Variants in CHD9 observed in about 807,000 individuals in gnomAD.
The protein encoded by CHD9 is ATP-dependent chromatin remodeler CHD9.
In CHD9, 77 loss-of-function variants were observed where a neutral mutation model predicts 316.1. That is an observed-to-expected ratio of 0.24 (90% CI 0.20 to 0.29). CHD9 has a LOEUF of 0.29. Among genes scored for constraint, CHD9 ranks in the 10% least tolerant of loss-of-function variants. The probability of loss-of-function intolerance (pLI) is 1.00; values close to 1 mark genes in which losing one functional copy is unlikely to be tolerated. For missense variants in CHD9, 2,763 were observed against 3,438.1 expected, an observed-to-expected ratio of 0.80 and a Z score of 4.91; for synonymous variants, 1,129 against 1,158.3, an observed-to-expected ratio of 0.97 and a Z score of 0.51.
At chr16:53,146,561 G>T (rs1474719840) in intron 1 of CHD9, among the ~76,000 whole-genome samples, 5 of 150,268 alleles carry the variant, frequency 3.3e-5, no homozygotes, top group African/African-American at 9.8e-5. Context: ...ATGTTGTGAG[G>T]CCGAGGCGGG....
intron 1 of CHD9, among the ~76,000 whole-genome samples, chr16:53,132,726 C>A (rs1397528965): frequency 6.8e-6 from 1 of 146,120 alleles, no homozygotes; most frequent in Admixed American, 6.8e-5. Context: ...TAAAAGACTT[C>A]TATTGCTCGA....
At chr16:53,243,218 T>A (rs2049257988) in intron 13 of CHD9, among the ~76,000 whole-genome samples, 1 of 152,160 alleles carries the variant, frequency 6.6e-6, no homozygotes, top group Non-Finnish European at 1.5e-5. Context: ...ATTTTTTAGC[T>A]CTTTCCTTCA....
chr16:53,193,264 C>T (rs1282104045), intron 2 of CHD9, among the ~76,000 whole-genome samples: 5 of 151,862 alleles, frequency 3.3e-5, no homozygotes, highest in African/African-American at 9.7e-5. Flanking sequence ...CTGGCTGACA[C>T]GGTGAAACCC....
At chr16:53,256,857 G>A (rs925152158) in intron 19 of CHD9, among the ~76,000 whole-genome samples, 1 of 151,850 alleles carries the variant, frequency 6.6e-6, no homozygotes, top group Non-Finnish European at 1.5e-5. Context: ...TATCTTTATG[G>A]GGAATATTGT....
chr16:53,191,509 T>C (rs2044476981), intron 2 of CHD9, among the ~76,000 whole-genome samples: 3 of 152,168 alleles, frequency 2.0e-5, no homozygotes, highest in African/African-American at 4.8e-5. Context: ...GAGAATGCTA[T>C]GTAAACGTTA....
chr16:53,076,040 A>T (rs1355690974), intron 1 of CHD9, among the ~76,000 whole-genome samples: 1 of 151,994 alleles, frequency 6.6e-6, no homozygotes, highest in African/African-American at 2.4e-5. Context: ...TCATGTGCTT[A>T]TTGGCCGTTT....
rs147617185 is a variant in CHD9 at position 53,084,783 on chromosome 16, G to A, written c.-165+29706G>A. Among the ~76,000 whole-genome samples, 41 of 152,220 alleles carry A rather than the reference G, an allele frequency of 2.7e-4. No individual in the cohort carries two copies. The East Asian group carries it at 7.2e-3, about 27-fold the overall frequency. On this transcript the variant is annotated intron_variant, in intron 1 of 38. Coordinates refer to ENST00000447540, the MANE Select transcript of CHD9 (RefSeq NM_001308319.2). ...CAACAAAATCACAATCACAGAAGCC[G>A]GAAAGTGTTTTCTGAGCCCCAGGAA...
At chr16:53,191,936 CTTT>C (rs2044510720) in intron 2 of CHD9, among the ~76,000 whole-genome samples, 1 of 151,746 alleles carries the variant, frequency 6.6e-6, no homozygotes, top group Non-Finnish European at 1.5e-5. Flanking sequence ...TATTGTCAGT[CTTT>C]TTAAATTTAG....
intron 17 of CHD9, chr16:53,250,353 A>G: frequency 3.4e-6 from 1 of 291,326 alleles, no homozygotes; most frequent in Non-Finnish European, 6.4e-6. Context: ...TTATTTAGAT[A>G]TGAGGTCTCA....
intron 22 of CHD9, among the ~76,000 whole-genome samples, chr16:53,270,384 T>A (rs1382373501): frequency 6.6e-6 from 1 of 152,094 alleles, no homozygotes; most frequent in African/African-American, 2.4e-5. Context: ...TATTATTGCA[T>A]CTTAGGGCTG....
intron 34 of CHD9, 30 bp downstream of exon 34, chr16:53,308,884 A>C (rs1371740310): frequency 5.8e-6 from 9 of 1,555,676 alleles, no homozygotes; most frequent in Non-Finnish European, 7.0e-6. Flanking sequence ...TTGTCTTACT[A>C]TGAAATATTT....
At chr16:53,323,912 T>C in intron 38 of CHD9, 108 bp from the exon 39 acceptor site, 1 of 945,502 alleles carries the variant, frequency 1.1e-6, no homozygotes, top group Non-Finnish European at 1.6e-6. Flanking sequence ...CAGTACAGAA[T>C]AAATTTACAA....
At chr16:53,185,296 A>G (rs1240125209) in intron 2 of CHD9, among the ~76,000 whole-genome samples, 1 of 152,214 alleles carries the variant, frequency 6.6e-6, no homozygotes, top group Non-Finnish European at 1.5e-5. Context: ...AAGTGGTCTC[A>G]GATGGAGATG....
intron 2 of CHD9, chr16:53,168,438 T>A (rs750413307): frequency 1.3e-5 from 2 of 152,100 alleles, no homozygotes; most frequent in African/African-American, 2.4e-5. Context: ...TATATAGATA[T>A]ATTAATATAA....
rs766181206 is a variant in CHD9, at chr16:53,156,240, G to C, written c.151G>C (p.Asp51His). 1.2e-6 allele frequency: 2 copies of C among 1,613,982 alleles called. No individual in the cohort carries two copies. Among genetic ancestry groups the C allele is most frequent in the Non-Finnish European group, 1.7e-6 (2 of 1,179,894 alleles). ...TGCAGAATTTGAACCGTTGCACATA[G>C]ATTCACTGAACCATGTTCAAGGTAC... ...LGAEFEPLHI[D>H]SLNHVQGTPT... is the part of the protein sequence containing the mutation. The change falls in exon 2 of 39, where the codon GAT (aspartate) becomes CAT (histidine). Residue 51 changes from aspartate to histidine, a missense_variant. Coordinates refer to ENST00000447540, the MANE Select transcript of CHD9 (RefSeq NM_001308319.2).
chr16:53,221,064 G>T (rs1373697441), intron 3 of CHD9, among the ~76,000 whole-genome samples: 1 of 152,144 alleles, frequency 6.6e-6, no homozygotes, highest in African/African-American at 2.4e-5. Flanking sequence ...ATACTTTAAG[G>T]TTAGGAACTG....
intron 1 of CHD9, among the ~76,000 whole-genome samples, chr16:53,075,275 C>G (rs1265704902): frequency 6.6e-6 from 1 of 152,134 alleles, no homozygotes; most frequent in African/African-American, 2.4e-5. Context: ...TTTGATTTTA[C>G]AGGCTCATAG....
intron 1 of CHD9, among the ~76,000 whole-genome samples, chr16:53,060,564 C>G (rs894513533): frequency 6.6e-6 from 1 of 152,056 alleles, no homozygotes; most frequent in Non-Finnish European, 1.5e-5. Context: ...TCCAGACCAG[C>G]CTGGGCAACA....
intron 21 of CHD9, 123 bp downstream of exon 21, chr16:53,267,613 T>C (rs934010273): frequency 2.8e-6 from 2 of 704,452 alleles, no homozygotes; most frequent in African/African-American, 1.8e-5. Flanking sequence ...TTTAAAGTAC[T>C]CTATTTTTAG....
Sources: allele counts gnomAD v4.1 joint callset (sites outside exome capture counted in the v4.1 genomes callset), GRCh38; gene constraint gnomAD v4.1.1; transcripts MANE v1.5; gene names NCBI Gene and HGNC (gene_info 2026-07-23, HGNC 2026-07-21).